PCDH11X: variants seen among roughly 807,000 people sequenced by gnomAD.
The protein encoded by PCDH11X is protocadherin-11 X-linked.
Under a neutral mutation model 53.3 loss-of-function variants are expected in PCDH11X, and 18 were observed. That is an observed-to-expected ratio of 0.34 (90% CI 0.23 to 0.50). The LOEUF is 0.50. Ranked by LOEUF, PCDH11X falls within the 20% of genes least tolerant of loss-of-function variation. The pLI, the probability that PCDH11X is intolerant of heterozygous loss-of-function variation, is 0.98. For synonymous variants in PCDH11X, 279 were observed against 393.3 expected (o/e 0.71, Z 3.44); for missense variants, 570 against 1,032.4 (o/e 0.55, Z 6.14).
At chrX:92,599,828 C>A (rs1926041779) in intron 10 of PCDH11X, among the ~76,000 whole-genome samples, 1 of 111,100 alleles carries the variant, frequency 9.0e-6, no homozygotes, top group Admixed American at 9.6e-5. Context: ...ATGGTGTTGA[C>A]CAAAAAGTTC....
At chrX:92,546,485 G>A (rs2074857005) in intron 10 of PCDH11X, among the ~76,000 whole-genome samples, 2 of 110,194 alleles carry the variant, frequency 1.8e-5, no homozygotes, top group Non-Finnish European at 3.8e-5. Flanking sequence ...TATTACTTGT[G>A]TTTTATCAAT....
chrX:92,433,583 G>A (rs913446736), intron 9 of PCDH11X, among the ~76,000 whole-genome samples: 7 of 109,365 alleles, frequency 6.4e-5, no homozygotes, highest in Middle Eastern at 4.8e-3. Context: ...TTGCCAAAAT[G>A]TCAGTGTTAT....
At chrX:92,249,814 A>G (rs960168667) in intron 7 of PCDH11X, among the ~76,000 whole-genome samples, 4 of 111,566 alleles carry the variant, frequency 3.6e-5, no homozygotes, top group Non-Finnish European at 7.5e-5. Flanking sequence ...GCATGTTCCA[A>G]TTCCAAGATG....
At chrX:92,021,306 C>A (rs1436782043) in intron 6 of PCDH11X, among the ~76,000 whole-genome samples, 1 of 106,977 alleles carries the variant, frequency 9.3e-6, no homozygotes, top group African/African-American at 3.4e-5. Context: ...CTAGAATAAC[C>A]AGTACAGAGA....
chrX:92,583,121 A>G (rs1279723899), intron 10 of PCDH11X, among the ~76,000 whole-genome samples: 1 of 89,187 alleles, frequency 1.1e-5, no homozygotes, highest in Non-Finnish European at 2.2e-5. Context: ...TTTTTTTTAG[A>G]TGGATTCTCT....
At chrX:92,350,601 G>A (rs2070021382) in intron 8 of PCDH11X, among the ~76,000 whole-genome samples, 1 of 111,525 alleles carries the variant, frequency 9.0e-6, no homozygotes, top group Non-Finnish European at 1.9e-5. Context: ...CAATGTTTTG[G>A]TTGTCTCCCA....
chrX:92,368,717 C>A, intron 8 of PCDH11X, among the ~76,000 whole-genome samples: 2 of 110,523 alleles, frequency 1.8e-5, no homozygotes, highest in South Asian at 7.7e-4. Flanking sequence ...GATGTTGTTG[C>A]TTTCTGTTTG....
intron 8 of PCDH11X, among the ~76,000 whole-genome samples, chrX:92,340,761 G>T (rs754997848): frequency 8.9e-6 from 1 of 112,220 alleles, no homozygotes; most frequent in South Asian, 3.7e-4. Flanking sequence ...AAAGGTCTCT[G>T]AAATGCCTCC....
intron 6 of PCDH11X, among the ~76,000 whole-genome samples, chrX:91,904,204 G>T (rs1941065886): frequency 9.0e-6 from 1 of 111,118 alleles, no homozygotes; most frequent in Non-Finnish European, 1.9e-5. Context: ...GGTAATTGTG[G>T]TTTTTGCGAT....
rs12559816 is a variant in PCDH11X, at chrX:92,284,162, C to G, written c.3144+21019C>G. On this transcript the variant is annotated intron_variant, in intron 8 of 10. Coordinates refer to ENST00000682573, the MANE Select transcript of PCDH11X (RefSeq NM_032968.5). Reference sequence around the variant, plus strand: ...GCCAATCACTGCCAACATGAATCAACCTACGTATGTAAATTTAGTGACCAA... The same window carrying G: ...GCCAATCACTGCCAACATGAATCAAGCTACGTATGTAAATTTAGTGACCAA... 2.6e-4 allele frequency among the ~76,000 whole-genome samples: 29 copies of G among 109,967 alleles called. No individual in the cohort carries two copies. In the Admixed American group the frequency reaches 2.7e-3, roughly 10 times the overall value.
intron 8 of PCDH11X, among the ~76,000 whole-genome samples, chrX:92,278,969 G>T (rs999149986): frequency 2.7e-5 from 3 of 109,684 alleles, no homozygotes; most frequent in Non-Finnish European, 5.7e-5. Context: ...GTGCCACCAC[G>T]CCTGGCTAAT....
chrX:92,361,979 T>C (rs1189557837), intron 8 of PCDH11X, among the ~76,000 whole-genome samples: 1 of 111,737 alleles, frequency 8.9e-6, no homozygotes, highest in East Asian at 2.8e-4. Flanking sequence ...ACCCACATTG[T>C]AGCATGTGTC....
At chrX:92,102,325 C>T in intron 6 of PCDH11X, among the ~76,000 whole-genome samples, 1 of 111,110 alleles carries the variant, frequency 9.0e-6, no homozygotes, top group Non-Finnish European at 1.9e-5. Context: ...GCAGCGGCAG[C>T]CTCTGTACGC....
chrX:92,150,921 G>C (rs1287105559), intron 6 of PCDH11X, among the ~76,000 whole-genome samples: 1 of 110,419 alleles, frequency 9.1e-6, no homozygotes, highest in Non-Finnish European at 1.9e-5. Flanking sequence ...TTGTTTTGTG[G>C]TTCCCCTGTG....
intron 8 of PCDH11X, among the ~76,000 whole-genome samples, chrX:92,336,250 C>T (rs780661627): frequency 1.8e-5 from 2 of 111,409 alleles, no homozygotes; most frequent in African/African-American, 6.5e-5. Context: ...CAAATTTAAT[C>T]TGTCTGGAGG....
At chrX:92,322,707 C>T (rs973135394) in intron 8 of PCDH11X, among the ~76,000 whole-genome samples, 4 of 111,379 alleles carry the variant, frequency 3.6e-5, no homozygotes, top group African/African-American at 9.8e-5. Flanking sequence ...TTATTAATAA[C>T]GCTCTTATCA....
chrX:92,023,903 A>G (rs1362199139), intron 6 of PCDH11X, among the ~76,000 whole-genome samples: 2 of 109,249 alleles, frequency 1.8e-5, no homozygotes, highest in Admixed American at 2.0e-4. Flanking sequence ...AAATGAACCA[A>G]TGACTAAAAC....
chrX:92,573,697 G>T (rs918189977), intron 10 of PCDH11X, among the ~76,000 whole-genome samples: 3 of 110,140 alleles, frequency 2.7e-5, no homozygotes, highest in Non-Finnish European at 5.7e-5. Flanking sequence ...AATAATAATA[G>T]AGTGTAACAT....
intron 8 of PCDH11X, among the ~76,000 whole-genome samples, chrX:92,267,065 G>A (rs1376283765): frequency 1.8e-5 from 2 of 111,900 alleles, no homozygotes; most frequent in Non-Finnish European, 3.8e-5. Context: ...CAACTAAAAA[G>A]GGAATTACAG....
Sources: gnomAD v4.1 joint callset for allele counts (sites outside exome capture counted in the v4.1 genomes callset) on GRCh38, gnomAD v4.1.1 for gene constraint, MANE v1.5 for transcripts, NCBI Gene and HGNC (gene_info 2026-07-23, HGNC 2026-07-21) for gene names.